SAMSN1: variants seen among roughly 807,000 people sequenced by gnomAD.
SAMSN1 encodes SAM domain, SH3 domain and nuclear localization signals 1, also known as SAM domain-containing protein SAMSN-1.
In SAMSN1, 31 loss-of-function variants were observed where a neutral mutation model predicts 42.0. The ratio of observed to expected loss-of-function variants is 0.74; its 90% CI spans 0.55 to 1.00. SAMSN1 has a LOEUF of 1.00. SAMSN1 is among the 50% of genes least tolerant of loss of function. SAMSN1 has a pLI of 0.00. For synonymous variants in SAMSN1, 178 were observed against 151.9 expected, an observed-to-expected ratio of 1.17 and a Z score of -1.26; for missense variants, 464 against 439.4, an observed-to-expected ratio of 1.06 and a Z score of -0.50.
upstream of SAMSN1, among the ~76,000 whole-genome samples, chr21:14,548,460 G>C (rs1482573813): frequency 2.0e-5 from 3 of 152,140 alleles, no homozygotes; most frequent in Non-Finnish European, 4.4e-5. Flanking sequence ...ATCTGGACTA[G>C]ATGCAGTTTT....
chr21:14,570,788 T>C (rs914264731), intron 2 of SAMSN1, among the ~76,000 whole-genome samples: 1 of 152,180 alleles, frequency 6.6e-6, no homozygotes, highest in Non-Finnish European at 1.5e-5. Context: ...CTTTCCAAAA[T>C]ATCAACTCAA....
chr21:14,549,312 A>G (rs1421371523), upstream of SAMSN1, among the ~76,000 whole-genome samples: 1 of 152,166 alleles, frequency 6.6e-6, no homozygotes, highest in African/African-American at 2.4e-5. Context: ...GTTGAAGAAT[A>G]CAATTAGATA....
chr21:14,635,773 A>G, intron 2 of SAMSN1, among the ~76,000 whole-genome samples: 1 of 67,838 alleles, frequency 1.5e-5, no homozygotes, highest in Admixed American at 2.0e-4. Flanking sequence ...CAGGTGCTTA[A>G]AGAGGGTTAC....
At chr21:14,523,597 C>A (rs1978639048) in intron 1 of SAMSN1, among the ~76,000 whole-genome samples, 1 of 152,188 alleles carries the variant, frequency 6.6e-6, no homozygotes, top group African/African-American at 2.4e-5. Context: ...TGCTTATAAA[C>A]AATCTGAACA....
chr21:14,491,728 G>C (rs534620237), intron 7 of SAMSN1, among the ~76,000 whole-genome samples: 1 of 152,194 alleles, frequency 6.6e-6, no homozygotes, highest in African/African-American at 2.4e-5. Context: ...TGAATTTTGT[G>C]TTAAATAAAT....
At chr21:14,632,269 A>T (rs1983350429) in intron 2 of SAMSN1, among the ~76,000 whole-genome samples, 1 of 151,692 alleles carries the variant, frequency 6.6e-6, no homozygotes, top group African/African-American at 2.4e-5. Context: ...GCAAACTTAG[A>T]GTATGTGTTT....
At chr21:14,586,262 C>CAAAA (rs67482796), upstream of SAMSN1, among the ~76,000 whole-genome samples, 33 of 50,540 alleles carry the variant, frequency 6.5e-4, no homozygotes, top group African/African-American at 8.8e-4. Flanking sequence ...GACTCCATCT[C>CAAAA]AAAAAAAAAA....
At chr21:14,558,537 C>CG (rs1980837598) in intron 2 of SAMSN1, among the ~76,000 whole-genome samples, 1 of 151,792 alleles carries the variant, frequency 6.6e-6, no homozygotes, top group Non-Finnish European at 1.5e-5. Context: ...AAAAATTAGC[C>CG]GGCCGTGGTG....
At chr21:14,504,208 C>CA (rs1198890762) in intron 5 of SAMSN1, among the ~76,000 whole-genome samples, 1 of 152,008 alleles carries the variant, frequency 6.6e-6, no homozygotes, top group Admixed American at 6.6e-5. Context: ...TTAACACCAT[C>CA]AAAAAAATCA....
rs183998280 is a variant in SAMSN1, at chr21:14,632,729, C to A, written c.156+10273G>T. ...CCATGGTCACTCACAGGATTGTAAT[C>A]AACTGTGGGCCCAAAGGTTTAAGGT... On this transcript the variant is annotated intron_variant, in intron 2 of 15. Coordinates refer to the SAMSN1 transcript ENST00000647101. 4.5e-3 allele frequency among the ~76,000 whole-genome samples: 682 copies of A among 152,224 alleles called. 6 individuals are homozygous for A. The highest frequency in any genetic ancestry group is 5.5e-3 in the Non-Finnish European group (377 of 68,006).
At chr21:14,610,253 T>C (rs1982669459) in intron 4 of SAMSN1, among the ~76,000 whole-genome samples, 1 of 152,160 alleles carries the variant, frequency 6.6e-6, no homozygotes, top group Admixed American at 6.5e-5. Context: ...AAGAACGCAT[T>C]CCCAGGGCGG....
intron 2 of SAMSN1, among the ~76,000 whole-genome samples, chr21:14,560,087 T>C (rs1980897899): frequency 1.3e-5 from 2 of 152,174 alleles, no homozygotes; most frequent in Non-Finnish European, 2.9e-5. Context: ...GAGAATCCAA[T>C]GTAACATGTT....
intron 2 of SAMSN1, chr21:14,582,102 T>G: frequency 6.7e-7 from 1 of 1,496,272 alleles, no homozygotes; most frequent in Non-Finnish European, 9.0e-7. Context: ...AAACCCCAGA[T>G]AAGATGACAC....
chr21:14,571,476 T>C (rs549210971), intron 2 of SAMSN1, among the ~76,000 whole-genome samples: 6 of 152,192 alleles, frequency 3.9e-5, no homozygotes, highest in Non-Finnish European at 8.8e-5. Flanking sequence ...GATCTTACAC[T>C]GAATATTCAT....
chr21:14,601,018 A>G (rs1001571050), intron 6 of SAMSN1, among the ~76,000 whole-genome samples: 23 of 152,316 alleles, frequency 1.5e-4, no homozygotes, highest in African/African-American at 5.5e-4. Context: ...GAAAGTACTG[A>G]GATATTTTTT....
At chr21:14,559,772 C>T (rs1328657605) in intron 2 of SAMSN1, among the ~76,000 whole-genome samples, 1 of 152,028 alleles carries the variant, frequency 6.6e-6, no homozygotes, top group Non-Finnish European at 1.5e-5. Flanking sequence ...TCTCAAAGTG[C>T]TGGGATTACA....
chr21:14,509,012 A>C (rs757235737), intron 5 of SAMSN1, among the ~76,000 whole-genome samples: 1 of 152,078 alleles, frequency 6.6e-6, no homozygotes, highest in Non-Finnish European at 1.5e-5. Flanking sequence ...GCTAGTCGGG[A>C]GGCTGAGGGA....
intron 3 of SAMSN1, among the ~76,000 whole-genome samples, chr21:14,514,031 C>A (rs968133760): frequency 3.3e-5 from 5 of 152,152 alleles, no homozygotes; most frequent in Admixed American, 3.3e-4. Flanking sequence ...TCCATCACTC[C>A]ATTTGCACTA....
chr21:14,512,705 G>T, intron 3 of SAMSN1, 132 bp from the exon 4 acceptor site: 1 of 794,558 alleles, frequency 1.3e-6, no homozygotes, highest in Non-Finnish European at 2.0e-6. Flanking sequence ...AAATACAAAA[G>T]TAGTTCATCT....
Sources: gnomAD v4.1 joint callset for allele counts (sites outside exome capture counted in the v4.1 genomes callset) on GRCh38, gnomAD v4.1.1 for gene constraint, MANE v1.5 for transcripts, NCBI Gene and HGNC (gene_info 2026-07-23, HGNC 2026-07-21) for gene names.